RIN2: variants seen among roughly 807,000 people sequenced by gnomAD.
RIN2 encodes RAB5 interacting protein 2.
Under a neutral mutation model 78.0 loss-of-function variants are expected in RIN2, and 36 were observed. The ratio of observed to expected loss-of-function variants is 0.46; its 90% CI spans 0.35 to 0.61. The LOEUF (loss-of-function observed/expected upper bound fraction) is 0.61, where lower values mean the gene tolerates loss of function less well. RIN2 is among the 20% of genes least tolerant of loss of function. The pLI, the probability that RIN2 is intolerant of heterozygous loss-of-function variation, is 0.00. For synonymous variants in RIN2, 466 were observed against 466.8 expected, an observed-to-expected ratio of 1.00 and a Z score of 0.02; for missense variants, 1,087 against 1,159.7, an observed-to-expected ratio of 0.94 and a Z score of 0.91.
In RIN2 at chr20:19,797,859, C is replaced by CTTT. The variant is rs750371451; in HGVS notation, c.-162-1745_-162-1743dup. 2.6e-3 allele frequency among the ~76,000 whole-genome samples: 327 copies of CTTT among 128,068 alleles called. 8 individuals carry two copies. The highest frequency in any genetic ancestry group is 6.4e-3 in the African/African-American group (209 of 32,542). 84.0% of individuals were successfully genotyped at this position (128,068 alleles called of 152,430 possible). A position where few individuals can be genotyped will look rare whatever the true frequency, so the allele number is the denominator to read the frequency against. On this transcript the variant is annotated intron_variant, in intron 1 of 12. Transcript: ENST00000255006. ...CTTTCTATGGATTATTCTACTTAAT[C>CTTT]TTTTTTTTTTTTTTTTTTTTGAGAT...
chr20:19,891,824 A>C (rs7262948), intron 3 of RIN2, among the ~76,000 whole-genome samples: 1 of 152,178 alleles, frequency 6.6e-6, no homozygotes, highest in Admixed American at 6.5e-5. Flanking sequence ...GCAAGACTCC[A>C]TCTAAAAAAA....
chr20:19,963,259 T>C (rs1160505611), intron 6 of RIN2, among the ~76,000 whole-genome samples: 1 of 152,132 alleles, frequency 6.6e-6, no homozygotes, highest in Non-Finnish European at 1.5e-5. Flanking sequence ...TCTGTGATGG[T>C]ATATGTGTAG....
intron 1 of RIN2, among the ~76,000 whole-genome samples, chr20:19,766,913 GA>G (rs749280521): frequency 0.019 from 2,085 of 108,924 alleles, 39 homozygotes; most frequent in African/African-American, 0.061. Flanking sequence ...CTCCATCTCA[GA>G]AAAAAAAAAA....
At chr20:19,905,813 A>G (rs908409487) in intron 3 of RIN2, among the ~76,000 whole-genome samples, 2 of 152,198 alleles carry the variant, frequency 1.3e-5, no homozygotes, top group Non-Finnish European at 2.9e-5. Context: ...CTGCTTCTGT[A>G]CCATTAACTG....
chr20:19,996,892 G>T, intron 12 of RIN2, 50 bp downstream of exon 12: 1 of 1,511,550 alleles, frequency 6.6e-7, no homozygotes, highest in Non-Finnish European at 8.9e-7. Context: ...GGAATGCGGA[G>T]CTGGCTCACC....
chr20:19,901,362 T>G (rs6112643), intron 3 of RIN2, among the ~76,000 whole-genome samples: 1 of 140,790 alleles, frequency 7.1e-6, no homozygotes, highest in Non-Finnish European at 1.5e-5. Flanking sequence ...CACAGATACA[T>G]GGGTGGACAT....
At chr20:19,995,689 G>C (rs559816625) in intron 11 of RIN2, among the ~76,000 whole-genome samples, 1 of 152,154 alleles carries the variant, frequency 6.6e-6, no homozygotes, top group African/African-American at 2.4e-5. Flanking sequence ...CAAAGGAAGG[G>C]GGGGGTAAGA....
chr20:19,977,412 G>A (rs547939595), intron 9 of RIN2, among the ~76,000 whole-genome samples: 1 of 126,088 alleles, frequency 7.9e-6, no homozygotes, highest in East Asian at 1.9e-4. Context: ...CAAAAAACAT[G>A]CTAAAATTAT....
At chr20:19,789,539 T>C (rs2034820742) in intron 1 of RIN2, among the ~76,000 whole-genome samples, 1 of 152,230 alleles carries the variant, frequency 6.6e-6, no homozygotes. Context: ...AGATTCTTTC[T>C]GTGGTTTACT....
intron 9 of RIN2, among the ~76,000 whole-genome samples, chr20:19,979,704 T>G (rs1379166576): frequency 1.3e-5 from 2 of 151,862 alleles, no homozygotes; most frequent in Non-Finnish European, 2.9e-5. Flanking sequence ...CAGGTCACAG[T>G]TTGGTTCAAG....
intron 8 of RIN2, among the ~76,000 whole-genome samples, chr20:19,972,876 A>T (rs2042151467): frequency 6.6e-6 from 1 of 152,260 alleles, no homozygotes; most frequent in Admixed American, 6.5e-5. Context: ...ACTGTCTAGT[A>T]GCCACACAGG....
At chr20:19,883,637 C>A (rs2038093282) in intron 2 of RIN2, among the ~76,000 whole-genome samples, 1 of 152,132 alleles carries the variant, frequency 6.6e-6, no homozygotes, top group Non-Finnish European at 1.5e-5. Context: ...GCCACCATGT[C>A]CAGTCAGAAA....
Position 19,924,990 on chromosome 20 carries a change from C to T in RIN2, c.58-10109C>T, listed in dbSNP as rs559030154. Among the ~76,000 whole-genome samples, 20 of 151,392 alleles carry T rather than the reference C, an allele frequency of 1.3e-4. 1 individual carries two copies. The Middle Eastern group carries it at 0.01, about 77-fold the overall frequency. ...CCGACCTCAGGTGATCCACCCGCCT[C>T]GGCCTCCCAAAGTGCTGGGATTACA... On this transcript the variant is annotated intron_variant, in intron 3 of 12. Transcript: ENST00000255006.
chr20:19,785,131 C>T (rs1168565956), intron 1 of RIN2, among the ~76,000 whole-genome samples: 2 of 152,148 alleles, frequency 1.3e-5, no homozygotes, highest in African/African-American at 2.4e-5. Context: ...CTGCCTACAT[C>T]AACTCTCACT....
chr20:19,861,535 A>G (rs1333861030), intron 2 of RIN2, among the ~76,000 whole-genome samples: 2 of 151,686 alleles, frequency 1.3e-5, no homozygotes, highest in African/African-American at 4.8e-5. Context: ...CACCCTCCAT[A>G]TCTGATCACC....
At chr20:19,779,132 G>A (rs1600432410) in intron 1 of RIN2, among the ~76,000 whole-genome samples, 2 of 152,158 alleles carry the variant, frequency 1.3e-5, no homozygotes. Context: ...AAAGGAGACT[G>A]AGCCATATTC....
At chr20:19,971,439 A>G (rs1221213088) in intron 8 of RIN2, among the ~76,000 whole-genome samples, 1 of 152,076 alleles carries the variant, frequency 6.6e-6, no homozygotes, top group Non-Finnish European at 1.5e-5. Flanking sequence ...TTGACAATGG[A>G]TCAAGACATA....
At chr20:19,829,264 G>A (rs2036183190) in intron 2 of RIN2, among the ~76,000 whole-genome samples, 3 of 152,086 alleles carry the variant, frequency 2.0e-5, no homozygotes, top group Admixed American at 2.0e-4. Context: ...GAGCAGTTAT[G>A]GAAACCCAAA....
chr20:19,903,346 C>T (rs146367433), intron 3 of RIN2, among the ~76,000 whole-genome samples: 52 of 152,202 alleles, frequency 3.4e-4, no homozygotes, highest in African/African-American at 7.2e-4. Flanking sequence ...GTTTCAGCAT[C>T]CTGGTTTCTG....
Sources: gnomAD v4.1 joint callset for allele counts (sites outside exome capture counted in the v4.1 genomes callset) on GRCh38, gnomAD v4.1.1 for gene constraint, MANE v1.5 for transcripts, NCBI Gene and HGNC (gene_info 2026-07-23, HGNC 2026-07-21) for gene names.